Variants in GPC5 observed in about 807,000 individuals in gnomAD.
GPC5 encodes the protein glypican 5.
A neutral mutation model predicts 53.9 loss-of-function variants in GPC5; 47 were observed. That is an observed-to-expected ratio of 0.87 (90% CI 0.69 to 1.11). The LOEUF is 1.11. Ranked by LOEUF, GPC5 falls within the 50% of genes most tolerant of loss-of-function variation. The probability of loss-of-function intolerance (pLI) is 0.00; values close to 1 mark genes in which losing one functional copy is unlikely to be tolerated. For missense variants in GPC5, 748 were observed against 713.1 expected (o/e 1.05, Z -0.56); for synonymous variants, 286 against 263.3 (o/e 1.09, Z -0.84).
intron 6 of GPC5, among the ~76,000 whole-genome samples, chr13:92,067,441 T>A (rs2041176339): frequency 6.6e-6 from 1 of 152,020 alleles, no homozygotes; most frequent in East Asian, 1.9e-4. Flanking sequence ...ATTTCCAAGC[T>A]GTATGTTTTA....
chr13:92,151,315 G>T (rs1354888883), intron 7 of GPC5, among the ~76,000 whole-genome samples: 1 of 152,040 alleles, frequency 6.6e-6, no homozygotes, highest in Non-Finnish European at 1.5e-5. Context: ...AAATCTGAGG[G>T]TGGAGCATTT....
intron 7 of GPC5, among the ~76,000 whole-genome samples, chr13:92,385,192 C>A (rs567897897): frequency 6.6e-6 from 1 of 151,406 alleles, no homozygotes; most frequent in African/African-American, 2.4e-5. Context: ...AATAAAAATT[C>A]TATATAAATA....
chr13:91,689,109 C>T (rs1240977867), intron 2 of GPC5, among the ~76,000 whole-genome samples: 1 of 146,516 alleles, frequency 6.8e-6, no homozygotes, highest in African/African-American at 2.5e-5. Flanking sequence ...GTTTAGGCTA[C>T]AGGGAGCTAT....
At chr13:91,544,278 A>G (rs922642915) in intron 2 of GPC5, among the ~76,000 whole-genome samples, 1 of 152,152 alleles carries the variant, frequency 6.6e-6, no homozygotes, top group African/African-American at 2.4e-5. Context: ...TTAAATTTAG[A>G]GTTTTAATTT....
intron 5 of GPC5, among the ~76,000 whole-genome samples, chr13:91,764,806 G>A (rs899487441): frequency 6.6e-6 from 1 of 152,124 alleles, no homozygotes. Flanking sequence ...GGAGATGATG[G>A]ATCAAAAGTG....
At chr13:92,335,661 G>T (rs185983647) in intron 7 of GPC5, among the ~76,000 whole-genome samples, 101 of 152,156 alleles carry the variant, frequency 6.6e-4, no homozygotes, top group Non-Finnish European at 1.3e-3. Flanking sequence ...AATTTCATCT[G>T]TCAGATACCC....
intron 7 of GPC5, among the ~76,000 whole-genome samples, chr13:92,672,560 A>G (rs1361673022): frequency 6.6e-6 from 1 of 152,168 alleles, no homozygotes; most frequent in Non-Finnish European, 1.5e-5. Flanking sequence ...ATAAATCATT[A>G]TATTATAAAG....
intron 7 of GPC5, among the ~76,000 whole-genome samples, chr13:92,525,531 T>C (rs1881245000): frequency 6.6e-6 from 1 of 150,886 alleles, no homozygotes; most frequent in Admixed American, 6.6e-5. Context: ...AATAAGTATA[T>C]GAGAAGAAAC....
chr13:91,762,260 T>C (rs762591649), intron 5 of GPC5, among the ~76,000 whole-genome samples: 3 of 152,098 alleles, frequency 2.0e-5, no homozygotes, highest in Non-Finnish European at 2.9e-5. Flanking sequence ...CTCACTTTTC[T>C]TTCCACCCAG....
intron 6 of GPC5, among the ~76,000 whole-genome samples, chr13:92,055,299 G>A (rs1422761258): frequency 6.6e-6 from 1 of 152,142 alleles, no homozygotes; most frequent in Non-Finnish European, 1.5e-5. Flanking sequence ...TGTATTTTGA[G>A]ATTTGAAATG....
At chr13:92,254,937 A>G (rs1293118869) in intron 7 of GPC5, among the ~76,000 whole-genome samples, 1 of 152,176 alleles carries the variant, frequency 6.6e-6, no homozygotes, top group Non-Finnish European at 1.5e-5. Context: ...GAGCCAGACA[A>G]TATCACCATG....
chr13:91,422,248 A>G (rs1594067030), intron 1 of GPC5, among the ~76,000 whole-genome samples: 2 of 152,228 alleles, frequency 1.3e-5, no homozygotes, highest in South Asian at 4.1e-4. Flanking sequence ...TTGGATTTGT[A>G]AAAAGCAAAC....
At position 91,693,696 on chromosome 13, in the gene GPC5, C is replaced by G. The variant is rs184809659; in HGVS notation, c.835C>G (p.Arg279Gly). ...PCMGYCLNVMRGCLAHMAELN... is the reference protein window; with the variant it reads ...PCMGYCLNVMGGCLAHMAELN... ...TATGGGATACTGCCTCAATGTCATG[C>G]GAGGCTGCCTGGCGCACATGGCGGA... The change falls in exon 3 of 8, where the codon CGA (arginine) becomes GGA (glycine). Residue 279 changes from arginine (R) to glycine (G), a missense_variant. Physicochemically the swap from Arg to Gly is moderately radical, Grantham distance 125 (BLOSUM62 -2). Transcript: ENST00000377067. 1 of 1,614,130 alleles carries G rather than the reference C, an allele frequency of 6.2e-7. No homozygotes were observed. Among genetic ancestry groups the G allele is most frequent in the Admixed American group, 1.7e-5 (1 of 60,028 alleles).
chr13:91,946,482 C>A (rs1327229782), intron 6 of GPC5, among the ~76,000 whole-genome samples: 3 of 151,954 alleles, frequency 2.0e-5, no homozygotes, highest in African/African-American at 7.3e-5. Flanking sequence ...TCAAAAAAAA[C>A]GATAAGAATA....
chr13:92,660,773 A>G (rs1172655349), intron 7 of GPC5, among the ~76,000 whole-genome samples: 6 of 152,066 alleles, frequency 3.9e-5, no homozygotes, highest in Non-Finnish European at 8.8e-5. Flanking sequence ...ATCTAACACA[A>G]TTTTCTATTA....
intron 6 of GPC5, among the ~76,000 whole-genome samples, chr13:92,020,641 A>G (rs2040749565): frequency 2.0e-5 from 3 of 150,448 alleles, no homozygotes; most frequent in African/African-American, 7.3e-5. Flanking sequence ...CTTTGGAGAA[A>G]TGTGTGTTCA....
intron 7 of GPC5, among the ~76,000 whole-genome samples, chr13:92,199,720 C>A (rs1361574775): frequency 6.6e-6 from 1 of 152,100 alleles, no homozygotes; most frequent in Admixed American, 6.5e-5. Context: ...TCTGTCCACG[C>A]AAGAGACTTG....
chr13:91,658,313 A>G (rs2034897344), intron 2 of GPC5, among the ~76,000 whole-genome samples: 1 of 152,070 alleles, frequency 6.6e-6, no homozygotes, highest in South Asian at 2.1e-4. Context: ...TAGAAACATA[A>G]CATTGGTGTT....
chr13:92,383,849 A>C (rs902245526), intron 7 of GPC5, among the ~76,000 whole-genome samples: 3 of 152,218 alleles, frequency 2.0e-5, no homozygotes, highest in African/African-American at 7.2e-5. Flanking sequence ...AACTGCAGAA[A>C]TACCAATAGT....
Sources: gnomAD v4.1 joint callset for allele counts (sites outside exome capture counted in the v4.1 genomes callset) on GRCh38, gnomAD v4.1.1 for gene constraint, MANE v1.5 for transcripts, NCBI Gene and HGNC (gene_info 2026-07-23, HGNC 2026-07-21) for gene names.